Variants in FNDC3B observed in about 807,000 individuals in gnomAD.
The protein encoded by FNDC3B is fibronectin type III domain containing 3B.
Under a neutral mutation model 151.5 loss-of-function variants are expected in FNDC3B, and 12 were observed. The observed-to-expected ratio is 0.08, with a 90% CI of 0.05 to 0.13. The LOEUF is 0.13. FNDC3B is among the 10% of genes least tolerant of loss of function. The pLI, the probability that FNDC3B is intolerant of heterozygous loss-of-function variation, is 1.00. For missense variants in FNDC3B, 1,214 were observed against 1,505.3 expected (o/e 0.81, Z 3.20); for synonymous variants, 528 against 549.0 (o/e 0.96, Z 0.54).
In FNDC3B at chr3:172,295,219, AAG is replaced by A. The variant is rs368632970; in HGVS notation, c.850-139_850-138del. ...CATATTTTGGATACCAGGACTTTGA[AAG>A]AGAGCACCATATAAGATGTCTTTCA... On this transcript the variant is annotated intron_variant, in intron 7 of 25. Coordinates refer to ENST00000415807, the MANE Select transcript of FNDC3B (RefSeq NM_022763.4). The A allele has an allele frequency of 1.3e-5, 9 of 699,148 alleles. No homozygotes were observed. In the African/African-American group the frequency reaches 1.6e-4, roughly 13 times the overall value. The allele number at this position is 699,148 out of a possible 1,614,324, so 43.3% of individuals were successfully genotyped here.
chr3:172,194,141 A>T (rs1034598333), intron 3 of FNDC3B, among the ~76,000 whole-genome samples: 10 of 151,928 alleles, frequency 6.6e-5, no homozygotes, highest in Non-Finnish European at 1.3e-4. Context: ...AACGGCGTGA[A>T]CCCGGGGGGC....
intron 3 of FNDC3B, among the ~76,000 whole-genome samples, chr3:172,219,206 A>G (rs1009336677): frequency 3.9e-5 from 6 of 152,214 alleles, no homozygotes; most frequent in Non-Finnish European, 8.8e-5. Flanking sequence ...TAAAATTTAG[A>G]CAGTGCCTGA....
intron 3 of FNDC3B, among the ~76,000 whole-genome samples, chr3:172,199,430 C>T (rs1386800183): frequency 4.6e-5 from 7 of 152,008 alleles, no homozygotes; most frequent in South Asian, 2.1e-4. Flanking sequence ...CCGCCCGCCT[C>T]GGCCTCCCAA....
chr3:172,293,800 A>C (rs183811666), intron 7 of FNDC3B, among the ~76,000 whole-genome samples: 221 of 152,328 alleles, frequency 1.5e-3, no homozygotes, highest in Middle Eastern at 3.4e-3. Flanking sequence ...TGAAGGACAG[A>C]CTGAAGAGAG....
chr3:172,318,983 C>T (rs534019197), intron 11 of FNDC3B, among the ~76,000 whole-genome samples: 141 of 149,194 alleles, frequency 9.5e-4, no homozygotes, highest in African/African-American at 3.3e-3. Context: ...AAGGAGCCCC[C>T]TCTTTTAGGG....
intron 6 of FNDC3B, among the ~76,000 whole-genome samples, chr3:172,282,718 C>T (rs1254809237): frequency 3.9e-5 from 6 of 152,306 alleles, no homozygotes; most frequent in Middle Eastern, 3.4e-3. Flanking sequence ...CAACACCCCA[C>T]CAGTATCAAC....
chr3:172,095,677 C>A (rs189281050), intron 1 of FNDC3B, among the ~76,000 whole-genome samples: 2 of 152,288 alleles, frequency 1.3e-5, no homozygotes, highest in Non-Finnish European at 2.9e-5. Flanking sequence ...ACACAAGCAT[C>A]ATTAAAAAAG....
chr3:172,173,209 G>C (rs1283922295), intron 3 of FNDC3B, among the ~76,000 whole-genome samples: 2 of 152,168 alleles, frequency 1.3e-5, no homozygotes, highest in African/African-American at 4.8e-5. Flanking sequence ...GGAGTTTATA[G>C]AACTCCCTTT....
At chr3:172,260,580 G>A (rs1728597418) in intron 6 of FNDC3B, among the ~76,000 whole-genome samples, 1 of 152,228 alleles carries the variant, frequency 6.6e-6, no homozygotes, top group African/African-American at 2.4e-5. Context: ...ACTGCTTTCT[G>A]TGGGCCATTT....
chr3:172,200,595 T>G (rs1576792060), intron 3 of FNDC3B, among the ~76,000 whole-genome samples: 1 of 152,218 alleles, frequency 6.6e-6, no homozygotes, highest in East Asian at 1.9e-4. Flanking sequence ...TAGGCTAATG[T>G]AAGTGTTCTG....
At chr3:172,199,710 C>T (rs1725040132) in intron 3 of FNDC3B, among the ~76,000 whole-genome samples, 1 of 152,264 alleles carries the variant, frequency 6.6e-6, no homozygotes, top group African/African-American at 2.4e-5. Flanking sequence ...AGACCCCAAA[C>T]ATTTCTAATG....
At position 172,378,266 on chromosome 3, in the gene FNDC3B, C is replaced by G; in HGVS notation, c.3009-4C>G. On this transcript the variant is annotated splice_polypyrimidine_tract_variant and splice_region_variant and intron_variant, in intron 23 of 25. Transcript: ENST00000415807. ...TGGCTAATTGATTCTGCTCCTTCTT[C>G]TAGGTTTATTTCAATCTACAGAGGA... The G allele has an allele frequency of 6.4e-7, 1 of 1,573,494 alleles. No individual in the cohort carries two copies. Among genetic ancestry groups the G allele is most frequent in the Non-Finnish European group, 8.6e-7 (1 of 1,164,702 alleles).
At chr3:172,185,322 A>G (rs1724114434) in intron 3 of FNDC3B, among the ~76,000 whole-genome samples, 1 of 152,170 alleles carries the variant, frequency 6.6e-6, no homozygotes. Flanking sequence ...TTCCCACTGT[A>G]CCCATTTATT....
intron 1 of FNDC3B, among the ~76,000 whole-genome samples, chr3:172,045,038 G>T (rs1243282426): frequency 6.6e-6 from 1 of 152,088 alleles, no homozygotes; most frequent in African/African-American, 2.4e-5. Context: ...TTTTCAAATG[G>T]TGTCACAAGG....
chr3:172,138,314 C>T (rs1279775316), intron 3 of FNDC3B, among the ~76,000 whole-genome samples: 1 of 152,216 alleles, frequency 6.6e-6, no homozygotes, highest in East Asian at 1.9e-4. Flanking sequence ...CCCAGCCACA[C>T]AGCTTGAGAA....
chr3:172,386,613 G>C (rs569191089), intron 25 of FNDC3B, among the ~76,000 whole-genome samples: 2 of 152,112 alleles, frequency 1.3e-5, no homozygotes, highest in South Asian at 2.1e-4. Context: ...ATGTTGGCAG[G>C]CACCTGTAGT....
intron 11 of FNDC3B, chr3:172,317,068 G>A: frequency 2.4e-6 from 1 of 412,162 alleles, no homozygotes; most frequent in Middle Eastern, 3.5e-4. Flanking sequence ...ACTCACTCCT[G>A]TCAAAATGGC....
intron 3 of FNDC3B, among the ~76,000 whole-genome samples, chr3:172,185,119 G>C (rs1724101933): frequency 6.6e-6 from 1 of 152,158 alleles, no homozygotes; most frequent in African/African-American, 2.4e-5. Flanking sequence ...CTGTTGTCAT[G>C]AACATTGGTC....
intron 3 of FNDC3B, among the ~76,000 whole-genome samples, chr3:172,137,545 G>A: frequency 6.6e-6 from 1 of 152,082 alleles, no homozygotes; most frequent in East Asian, 1.9e-4. Context: ...AGTCCCAGCT[G>A]CTCAGAAGGC....
Sources: gnomAD v4.1 joint callset for allele counts (sites outside exome capture counted in the v4.1 genomes callset) on GRCh38, gnomAD v4.1.1 for gene constraint, MANE v1.5 for transcripts, NCBI Gene and HGNC (gene_info 2026-07-23, HGNC 2026-07-21) for gene names.